VPS33B: variants seen among roughly 807,000 people sequenced by gnomAD.
The protein encoded by VPS33B is VPS33B late endosome and lysosome associated.
In VPS33B, 80 loss-of-function variants were observed where a neutral mutation model predicts 95.3. The observed-to-expected ratio is 0.84, with a 90% CI of 0.70 to 1.01. The LOEUF is 1.01. Among genes scored for constraint, VPS33B ranks in the 50% least tolerant of loss-of-function variants. VPS33B has a pLI of 0.00. For synonymous variants in VPS33B, 280 were observed against 280.4 expected (o/e 1.00, Z 0.01); for missense variants, 715 against 773.4 (o/e 0.92, Z 0.90).
chr15:91,009,723 G>A lies in VPS33B; in HGVS notation c.403+78C>T. On this transcript the variant is annotated intron_variant, in intron 6 of 22. Transcript: ENST00000333371. This position sits in a 1 kb window ranked among gnomAD's most constrained non-coding sequence, Gnocchi z 4.1. ...AAGGAGCTGGTGGTGGGGGTGGGGT[G>A]GGGGGGTTGGAGAACAACAACAGTT... 3 of 1,467,904 alleles carry A rather than the reference G, an allele frequency of 2.0e-6. No individual in the cohort carries two copies. Among genetic ancestry groups the A allele is most frequent in the Non-Finnish European group, 2.8e-6 (3 of 1,063,528 alleles). 90.9% of individuals were successfully genotyped at this position (1,467,904 alleles called of 1,614,324 possible).
intron 2 of VPS33B, 169 bp from the exon 3 acceptor site, chr15:91,017,193 A>G (rs1165358546): frequency 1.5e-6 from 1 of 662,436 alleles, no homozygotes; most frequent in Non-Finnish European, 2.7e-6. Context: ...AATTTTCCTC[A>G]AACTGTCAAT....
In VPS33B at chr15:91,009,410, A is replaced by G. The variant is rs1403070437; in HGVS notation, c.403+391T>C. On this transcript the variant is annotated intron_variant, in intron 6 of 22. Transcript: ENST00000333371. This position sits in a 1 kb window ranked among gnomAD's most constrained non-coding sequence, Gnocchi z 4.1. ...CAACCTCTGCCTCCCGGGTTCAAGC[A>G]ATTCTTCTGCCTCAGCCTCCCGAGT... Among the ~76,000 whole-genome samples the G allele has an allele frequency of 1.3e-5, 2 of 151,524 alleles. No individual in the cohort carries two copies. The highest frequency in any genetic ancestry group is 6.6e-5 in the Admixed American group (1 of 15,198).
chr15:91,007,363 A>G lies in VPS33B; in HGVS notation c.603+106T>C. 8.9e-7 allele frequency: 1 copy of G among 1,128,358 alleles called. No homozygotes were observed. Among genetic ancestry groups the G allele is most frequent in the Non-Finnish European group, 1.3e-6 (1 of 741,644 alleles). The allele number at this position is 1,128,358 out of a possible 1,614,324, so 69.9% of individuals were successfully genotyped here. The stretch of plus-strand genomic sequence containing the variant: ...ATCTATTCCAGAACAATGAAAGCAA[A>G]GTAAAGAATACACCTCATATCACAG... On this transcript the variant is annotated intron_variant, in intron 8 of 22. Transcript: ENST00000333371. This position sits in a 1 kb window ranked among gnomAD's most constrained non-coding sequence, Gnocchi z 5.3.
intron 6 of VPS33B, 42 bp from the exon 7 acceptor site, chr15:91,008,006 T>C (rs775185500): frequency 1.3e-6 from 2 of 1,588,768 alleles, no homozygotes; most frequent in South Asian, 2.2e-5. Context: ...AGAAGGTACT[T>C]AGCTCCACGT....
chr15:90,998,526 T>G, downstream of VPS33B: 1 of 260,078 alleles, frequency 3.8e-6, no homozygotes, highest in Non-Finnish European at 7.7e-6. This position sits in a 1 kb window ranked among gnomAD's most constrained non-coding sequence, Gnocchi z 4.8. Flanking sequence ...AGGTACAGAG[T>G]GGTAGAGTGA....
chr15:91,006,912 A>G lies in VPS33B; in HGVS notation c.700+38T>C. The G allele has an allele frequency of 6.2e-7, 1 of 1,611,624 alleles. No individual in the cohort carries two copies. The highest frequency in any genetic ancestry group is 8.5e-7 in the Non-Finnish European group (1 of 1,177,778). ...CGCCTTCCATATTCCCGTGTCTTCTAGGGCTGAAAGATGACAGGAACGCTG... is the reference window on the plus strand; with the variant it reads ...CGCCTTCCATATTCCCGTGTCTTCTGGGGCTGAAAGATGACAGGAACGCTG... On this transcript the variant is annotated intron_variant, in intron 9 of 22. Transcript: ENST00000333371. The surrounding 1 kb of genome is among the most constrained non-coding windows in gnomAD (Gnocchi z 5.4).
chr15:91,016,665 T>G (rs1355666768), intron 3 of VPS33B, among the ~76,000 whole-genome samples: 1 of 152,186 alleles, frequency 6.6e-6, no homozygotes. Context: ...ATTACAGGCA[T>G]GAGCCGCCGC....
chr15:91,000,916 C>T lies in VPS33B; in HGVS notation c.1480-325G>A. 1 of 396,930 alleles carries T rather than the reference C, an allele frequency of 2.5e-6. No individual in the cohort carries two copies. Among genetic ancestry groups the T allele is most frequent in the African/African-American group, 2.1e-5 (1 of 48,644 alleles). The allele number at this position is 396,930 out of a possible 1,614,324, so 24.6% of individuals were successfully genotyped here. A position where few individuals can be genotyped will look rare whatever the true frequency, so the allele number is the denominator to read the frequency against. On this transcript the variant is annotated intron_variant, in intron 19 of 22. Transcript: ENST00000333371. This position sits in a 1 kb window ranked among gnomAD's most constrained non-coding sequence, Gnocchi z 4.9. ...GAATATTCTCTGGCATTGGCAGGTGCTTGTTACATGTTGATTAAATGAATG... is the reference window on the plus strand; with the variant it reads ...GAATATTCTCTGGCATTGGCAGGTGTTTGTTACATGTTGATTAAATGAATG...
Position 91,007,620 on chromosome 15 carries a change from A to G in VPS33B, c.499-47T>C, listed in dbSNP as rs759049994. ...CAAAGATATGAATCAACCCAGTAGG[A>G]CCACCTGGAAAGTGGCTAGCCCTAG... On this transcript the variant is annotated intron_variant, in intron 7 of 22. Transcript: ENST00000333371. This position sits in a 1 kb window ranked among gnomAD's most constrained non-coding sequence, Gnocchi z 5.3. 4.4e-6 allele frequency: 7 copies of G among 1,596,522 alleles called. No homozygotes were observed. The highest frequency in any genetic ancestry group is 6.0e-6 in the Non-Finnish European group (7 of 1,164,256).
chr15:91,008,817 C>A (rs1418468969), intron 6 of VPS33B, among the ~76,000 whole-genome samples: 1 of 152,144 alleles, frequency 6.6e-6, no homozygotes, highest in Non-Finnish European at 1.5e-5. Flanking sequence ...ATAGGAAAGA[C>A]TTCCCTCAAG....
rs991195319 is a variant in VPS33B, at chr15:91,009,057, A to G, written c.403+744T>C. ...CTGGGCTTTATATTGAGCCGCTGCTATTTCCAGCAGGGAGGGCTGTGATCA... is the reference window on the plus strand; with the variant it reads ...CTGGGCTTTATATTGAGCCGCTGCTGTTTCCAGCAGGGAGGGCTGTGATCA... On this transcript the variant is annotated intron_variant, in intron 6 of 22. Coordinates refer to ENST00000333371, the MANE Select transcript of VPS33B (RefSeq NM_018668.5). The surrounding 1 kb of genome is among the most constrained non-coding windows in gnomAD (Gnocchi z 4.1). Among the ~76,000 whole-genome samples the G allele has an allele frequency of 6.6e-6, 1 of 152,008 alleles. No homozygotes were observed. Among genetic ancestry groups the G allele is most frequent in the Non-Finnish European group, 1.5e-5 (1 of 68,002 alleles).
At chr15:91,017,654 A>T (rs1237857116) in intron 2 of VPS33B, 151 bp downstream of exon 2, 1 of 754,976 alleles carries the variant, frequency 1.3e-6, no homozygotes, top group African/African-American at 1.8e-5. Flanking sequence ...CAAAACAAAA[A>T]AATACGAACA....
intron 3 of VPS33B, 93 bp downstream of exon 3, chr15:91,016,870 C>G: frequency 8.2e-7 from 1 of 1,220,910 alleles, no homozygotes; most frequent in Non-Finnish European, 1.2e-6. Flanking sequence ...GGGAGGTGAA[C>G]CATATATCTC....
At position 90,998,861 on chromosome 15, in the gene VPS33B, C is replaced by T. The variant is rs1329609827; in HGVS notation, c.*114G>A. The T allele has an allele frequency of 1.8e-6, 2 of 1,097,776 alleles. No individual in the cohort carries two copies. Among genetic ancestry groups the T allele is most frequent in the Non-Finnish European group, 2.7e-6 (2 of 728,770 alleles). 68.0% of individuals were successfully genotyped at this position (1,097,776 alleles called of 1,614,324 possible). On this transcript the variant is annotated 3_prime_UTR_variant, in exon 23 of 23. Transcript: ENST00000333371. This position sits in a 1 kb window ranked among gnomAD's most constrained non-coding sequence, Gnocchi z 4.8. ...CTAAATCCCAACACGTTCCATGCTCCCGGCTCTTAGCAGGTAGTTGGTGGA... is the reference window on the plus strand; with the variant it reads ...CTAAATCCCAACACGTTCCATGCTCTCGGCTCTTAGCAGGTAGTTGGTGGA...
At position 91,018,648 on chromosome 15, in the gene VPS33B, G is replaced by T. The variant is rs1235372157; in HGVS notation, c.97-763C>A. ...TGTCCAGACACATTTTTGGTTATCT[G>T]ACTCAGGGTAGGGGTTTTACTGGCA... On this transcript the variant is annotated intron_variant, in intron 1 of 22. Transcript: ENST00000333371. This position sits in a 1 kb window ranked among gnomAD's most constrained non-coding sequence, Gnocchi z 4.7. 6.6e-6 allele frequency among the ~76,000 whole-genome samples: 1 copy of T among 152,194 alleles called. No individual in the cohort carries two copies. Among genetic ancestry groups the T allele is most frequent in the Admixed American group, 6.5e-5 (1 of 15,276 alleles).
At chr15:91,003,870 TAAC>T (rs1205576455) in intron 16 of VPS33B, among the ~76,000 whole-genome samples, 1 of 152,178 alleles carries the variant, frequency 6.6e-6, no homozygotes, top group African/African-American at 2.4e-5. Context: ...GAGGTAATAA[TAAC>T]TGGGATTCTA....
At position 91,015,339 on chromosome 15, in the gene VPS33B, A is replaced by AT. The variant is rs1200077427; in HGVS notation, c.240-907_240-906insA. Among the ~76,000 whole-genome samples the AT allele has an allele frequency of 4.0e-5, 6 of 151,596 alleles. No individual in the cohort carries two copies. Among genetic ancestry groups the AT allele is most frequent in the South Asian group, 4.2e-4 (2 of 4,812 alleles). ...TGACAAGAGCTAAACTCCGTCTCAAAAAAAATAAAATAAAATAAAATAATA... is the reference window on the plus strand; with the variant it reads ...TGACAAGAGCTAAACTCCGTCTCAAATAAAAATAAAATAAAATAAAATAATA... On this transcript the variant is annotated intron_variant, in intron 3 of 22. Transcript: ENST00000333371. This position sits in a 1 kb window ranked among gnomAD's most constrained non-coding sequence, Gnocchi z 4.7.
rs1449785110 is a variant in VPS33B at position 91,013,704 on chromosome 15, A to G, written c.357+100T>C. 2.4e-6 allele frequency: 3 copies of G among 1,276,592 alleles called. No individual in the cohort carries two copies. Among genetic ancestry groups the G allele is most frequent in the Non-Finnish European group, 3.4e-6 (3 of 877,040 alleles). 79.1% of individuals were successfully genotyped at this position (1,276,592 alleles called of 1,614,324 possible). A position where few individuals can be genotyped will look rare whatever the true frequency, so the allele number is the denominator to read the frequency against. ...CAGGTATTCTGTTACAGCAACAGAAAACGAACGGAGACAGGGAGGTAGTGC... is the reference window on the plus strand; with the variant it reads ...CAGGTATTCTGTTACAGCAACAGAAGACGAACGGAGACAGGGAGGTAGTGC... On this transcript the variant is annotated intron_variant, in intron 5 of 22. Coordinates refer to ENST00000333371, the MANE Select transcript of VPS33B (RefSeq NM_018668.5). The surrounding 1 kb of genome is among the most constrained non-coding windows in gnomAD (Gnocchi z 4.5).
At position 91,011,813 on chromosome 15, in the gene VPS33B, C is replaced by T. The variant is rs1168456324; in HGVS notation, c.358-1967G>A. ...GACCAGCTTGGGCAATATGGCAAAA[C>T]CCCACCTCTTTTAAAAATATAAAAA... On this transcript the variant is annotated intron_variant, in intron 5 of 22. Coordinates refer to ENST00000333371, the MANE Select transcript of VPS33B (RefSeq NM_018668.5). This position sits in a 1 kb window ranked among gnomAD's most constrained non-coding sequence, Gnocchi z 5.5. Among the ~76,000 whole-genome samples the T allele has an allele frequency of 6.6e-6, 1 of 152,040 alleles. No individual in the cohort carries two copies. Among genetic ancestry groups the T allele is most frequent in the Non-Finnish European group, 1.5e-5 (1 of 68,016 alleles).
Sources: allele counts gnomAD v4.1 joint callset (sites outside exome capture counted in the v4.1 genomes callset), GRCh38; gene constraint gnomAD v4.1.1; non-coding constraint Gnocchi (gnomAD v3.1); transcripts MANE v1.5; gene names NCBI Gene and HGNC (gene_info 2026-07-23, HGNC 2026-07-21).